CEP135: variants seen among roughly 807,000 people sequenced by gnomAD.
CEP135 encodes the protein centrosomal protein of 135 kDa.
Under a neutral mutation model 157.3 loss-of-function variants are expected in CEP135, and 142 were observed. The observed-to-expected ratio is 0.90, with a 90% CI of 0.79 to 1.04. The LOEUF (loss-of-function observed/expected upper bound fraction) is 1.04. CEP135 is among the 50% of genes least tolerant of loss of function. The pLI is 0.00. For missense variants in CEP135, 1,317 were observed against 1,309.2 expected, an observed-to-expected ratio of 1.01 and a Z score of -0.09; for synonymous variants, 396 against 439.8, an observed-to-expected ratio of 0.90 and a Z score of 1.25.
At chr4:55,992,106 C>A (rs1286804997) in intron 15 of CEP135, 21 bp downstream of exon 15, 1 of 1,583,628 alleles carries the variant, frequency 6.3e-7, no homozygotes, top group Non-Finnish European at 8.5e-7. Flanking sequence ...TCAAAATTTT[C>A]TAATTTCATT....
At chr4:55,950,619 T>TA (rs934115533) in intron 1 of CEP135, among the ~76,000 whole-genome samples, 2 of 150,522 alleles carry the variant, frequency 1.3e-5, no homozygotes, top group South Asian at 4.2e-4. Context: ...ACCCTGTCTC[T>TA]AAAAAAGGTA....
chr4:56,011,308 C>G, intron 19 of CEP135, 104 bp from the exon 20 acceptor site: 1 of 749,104 alleles, frequency 1.3e-6, no homozygotes, highest in Non-Finnish European at 2.2e-6. Context: ...TCCTTTTGCC[C>G]TACTCTATCT....
chr4:56,017,168 G>A (rs1024983109), intron 21 of CEP135, among the ~76,000 whole-genome samples: 1 of 151,628 alleles, frequency 6.6e-6, no homozygotes, highest in South Asian at 2.1e-4. Flanking sequence ...TATTAAAGTT[G>A]TTTACTATTT....
intron 14 of CEP135, among the ~76,000 whole-genome samples, chr4:55,990,539 A>G (rs1002138396): frequency 1.3e-5 from 2 of 152,128 alleles, no homozygotes; most frequent in African/African-American, 4.8e-5. Flanking sequence ...TCTGTTGCCC[A>G]GGCCGGAGTG....
intron 21 of CEP135, among the ~76,000 whole-genome samples, chr4:56,013,142 G>A (rs1051075633): frequency 2.0e-5 from 3 of 152,198 alleles, no homozygotes; most frequent in Non-Finnish European, 2.9e-5. Flanking sequence ...TTAATGGTTA[G>A]TGATGTTGAG....
rs369149888 is a variant in CEP135, at chr4:55,981,244, T to C, written c.1644T>C (p.Ser548=). 4.4e-6 allele frequency: 7 copies of C among 1,584,954 alleles called. No individual in the cohort carries two copies. Among genetic ancestry groups the C allele is most frequent in the Non-Finnish European group, 5.1e-6 (6 of 1,172,108 alleles). The stretch of plus-strand genomic sequence containing the variant: ...TCTTTAAGGCTCAGGAAGAATTATC[T>C]GCCCTAAGAAAGGAATCCACCCAAA... ...VLYNEAQEEL[S]ALRKESTQTT... is the part of the protein sequence containing the mutation. The change falls in exon 13 of 26, where the codon TCT becomes TCC. Residue 548 remains serine (S), a synonymous_variant. Coordinates refer to ENST00000257287, the MANE Select transcript of CEP135 (RefSeq NM_025009.5).
rs35143702 is a variant in CEP135, at chr4:56,017,821, C to G, written c.2976C>G (p.Thr992=). The G allele has an allele frequency of 0.028, 45,107 of 1,612,656 alleles. 834 individuals carry two copies. The highest frequency in any genetic ancestry group is 0.089 in the Admixed American group (5,306 of 59,900). ...IKLDSGKDIM[T]QQLNSKNLEF... ...TTGATTCAGGCAAAGATATTATGAC[C>G]CAGCAATTGAATTCGAAAAACCTTG... The change falls in exon 22 of 26, where the codon ACC becomes ACG. Residue 992 remains threonine, a synonymous_variant. Transcript: ENST00000257287.
intron 23 of CEP135, among the ~76,000 whole-genome samples, chr4:56,019,905 C>G (rs984852373): frequency 6.6e-6 from 1 of 152,202 alleles, no homozygotes; most frequent in Non-Finnish European, 1.5e-5. Context: ...CACCACTGCA[C>G]TCCATCCTGG....
intron 5 of CEP135, 115 bp from the exon 6 acceptor site, chr4:55,959,567 C>A: frequency 1.2e-6 from 1 of 842,298 alleles, no homozygotes; most frequent in Non-Finnish European, 2.0e-6. Context: ...ACAGTACGTC[C>A]TACCTGTTTG....
chr4:56,009,098 C>A (rs1335481189), intron 18 of CEP135, among the ~76,000 whole-genome samples: 1 of 152,152 alleles, frequency 6.6e-6, no homozygotes, highest in Non-Finnish European at 1.5e-5. Flanking sequence ...AACAACGTCT[C>A]CCTATATTGC....
At chr4:55,961,820 G>T (rs1476064386) in intron 6 of CEP135, among the ~76,000 whole-genome samples, 1 of 134,708 alleles carries the variant, frequency 7.4e-6, no homozygotes, top group Non-Finnish European at 1.5e-5. Context: ...ATGTCACCTT[G>T]TCTCAACTTT....
chr4:55,987,376 C>A (rs1220892644), intron 14 of CEP135, among the ~76,000 whole-genome samples: 3 of 152,160 alleles, frequency 2.0e-5, no homozygotes, highest in African/African-American at 7.2e-5. Context: ...ACTCTTTGCA[C>A]CTCTCCTCTA....
intron 17 of CEP135, among the ~76,000 whole-genome samples, chr4:56,002,082 T>A (rs1730192990): frequency 1.3e-5 from 2 of 152,154 alleles, no homozygotes; most frequent in African/African-American, 4.8e-5. Context: ...TTGATTTTTG[T>A]AATCTTGATT....
chr4:55,961,764 TAAAAAAAAAAA>T (rs564116620), intron 6 of CEP135, among the ~76,000 whole-genome samples: 803 of 54,242 alleles, frequency 0.015, 20 homozygotes, highest in African/African-American at 0.052. Context: ...AAACTCTGTC[TAAAAAAAAAAA>T]AAAAAAAAAA....
intron 12 of CEP135, 78 bp downstream of exon 12, chr4:55,980,373 C>A: frequency 1.2e-6 from 1 of 866,686 alleles, no homozygotes; most frequent in Non-Finnish European, 1.7e-6. Flanking sequence ...ATATCTTTCA[C>A]ATTACTATAA....
intron 2 of CEP135, 136 bp downstream of exon 2, chr4:55,952,379 C>T (rs1728383760): frequency 1.6e-6 from 1 of 607,042 alleles, no homozygotes; most frequent in Admixed American, 2.8e-5. Context: ...TCTGTTTTTT[C>T]CCTGTCCTCA....
At chr4:56,009,049 C>T (rs540395675) in intron 18 of CEP135, among the ~76,000 whole-genome samples, 1 of 152,282 alleles carries the variant, frequency 6.6e-6, no homozygotes, top group Admixed American at 6.5e-5. Flanking sequence ...CAGGCGTGTG[C>T]CACCACGCTC....
At chr4:56,014,340 T>C (rs1427977080) in intron 21 of CEP135, among the ~76,000 whole-genome samples, 1 of 152,126 alleles carries the variant, frequency 6.6e-6, no homozygotes, top group African/African-American at 2.4e-5. Flanking sequence ...AAAGCCCAGA[T>C]TGCCTTGAAG....
intron 14 of CEP135, among the ~76,000 whole-genome samples, chr4:55,985,621 A>AT (rs1034920487): frequency 1.3e-5 from 2 of 151,442 alleles, no homozygotes; most frequent in South Asian, 2.1e-4. Flanking sequence ...TGCCCGGCTA[A>AT]TTTTTTTTGT....
Sources: gnomAD v4.1 joint callset for allele counts (sites outside exome capture counted in the v4.1 genomes callset) on GRCh38, gnomAD v4.1.1 for gene constraint, MANE v1.5 for transcripts, NCBI Gene and HGNC (gene_info 2026-07-23, HGNC 2026-07-21) for gene names.